Variants in SMIM35 observed in about 807,000 individuals in gnomAD.
SMIM35 encodes the protein small integral membrane protein 35.
intron 1 of SMIM35, among the ~76,000 whole-genome samples, chr11:118,083,758 C>G (rs1945330332): frequency 6.6e-6 from 1 of 152,104 alleles, no homozygotes; most frequent in Non-Finnish European, 1.5e-5. Context: ...TTACAGTTAA[C>G]AATTACTGTA....
intron 1 of SMIM35, chr11:118,028,888 G>A: frequency 2.3e-6 from 1 of 443,222 alleles, no homozygotes; most frequent in Non-Finnish European, 4.6e-6. Flanking sequence ...GGAGAAGAAG[G>A]AGGAGGGGAA....
chr11:118,047,650 T>G (rs1256909744), intron 1 of SMIM35, among the ~76,000 whole-genome samples: 1 of 152,190 alleles, frequency 6.6e-6, no homozygotes, highest in East Asian at 1.9e-4. Context: ...ACAGTGCTTC[T>G]GTTTGAAGGA....
chr11:118,037,029 T>C (rs2058364558), intron 1 of SMIM35, among the ~76,000 whole-genome samples: 1 of 152,176 alleles, frequency 6.6e-6, no homozygotes. Flanking sequence ...TGTTTAAAGG[T>C]GGATGTGGTC....
chr11:118,072,592 C>T (rs1156931782), intron 1 of SMIM35, among the ~76,000 whole-genome samples: 2 of 152,056 alleles, frequency 1.3e-5, no homozygotes, highest in African/African-American at 4.8e-5. Flanking sequence ...GGAAATCAGG[C>T]AGGGAGGAGA....
intron 1 of SMIM35, among the ~76,000 whole-genome samples, chr11:118,083,203 C>A (rs749916169): frequency 6.6e-6 from 1 of 152,256 alleles, no homozygotes; most frequent in Non-Finnish European, 1.5e-5. Flanking sequence ...TGAAAACAAT[C>A]TTTCCTTTGC....
At chr11:118,071,365 A>G (rs1944568595) in intron 1 of SMIM35, among the ~76,000 whole-genome samples, 2 of 152,214 alleles carry the variant, frequency 1.3e-5, no homozygotes, top group South Asian at 4.1e-4. Flanking sequence ...TCTGAGACTA[A>G]ATGATGTCTT....
At chr11:118,082,750 G>A (rs1388255573) in intron 1 of SMIM35, among the ~76,000 whole-genome samples, 5 of 152,118 alleles carry the variant, frequency 3.3e-5, no homozygotes, top group South Asian at 4.1e-4. Context: ...GACCATTAAC[G>A]ATAGAAAATT....
intron 1 of SMIM35, chr11:118,077,379 G>A: frequency 2.0e-6 from 3 of 1,491,762 alleles, no homozygotes; most frequent in Non-Finnish European, 2.7e-6. Context: ...CAAGCAGCCT[G>A]AGCATCCATC....
At chr11:118,044,664 C>T (rs923484255) in intron 1 of SMIM35, among the ~76,000 whole-genome samples, 1 of 151,600 alleles carries the variant, frequency 6.6e-6, no homozygotes, top group Non-Finnish European at 1.5e-5. Flanking sequence ...ATTCCAGCTA[C>T]TCCGGAGGCT....
At chr11:118,067,139 C>G (rs1346247757) in intron 1 of SMIM35, 1 of 152,034 alleles carries the variant, frequency 6.6e-6, no homozygotes, top group Non-Finnish European at 1.5e-5. Flanking sequence ...ATATGCTAAC[C>G]CCCTCAGACC....
chr11:118,070,914 G>A (rs1489066865), intron 1 of SMIM35, among the ~76,000 whole-genome samples: 1 of 152,154 alleles, frequency 6.6e-6, no homozygotes, highest in African/African-American at 2.4e-5. Context: ...AGGGCAAAAG[G>A]CCTAGGCATC....
chr11:118,060,324 T>C (rs967184850), intron 1 of SMIM35, among the ~76,000 whole-genome samples: 2 of 152,204 alleles, frequency 1.3e-5, no homozygotes, highest in Non-Finnish European at 2.9e-5. Context: ...CCACTTCCCA[T>C]GCTGTGAGTG....
At chr11:118,054,242 C>T (rs1353049974) in intron 1 of SMIM35, among the ~76,000 whole-genome samples, 2 of 151,416 alleles carry the variant, frequency 1.3e-5, no homozygotes, top group Non-Finnish European at 2.9e-5. Context: ...CCTGAAAGTG[C>T]ATTATCACCA....
Position 118,020,066 on chromosome 11 carries a change from G to A in SMIM35, c.8-4257C>T, listed in dbSNP as rs571694274. ...TCAACTGAGGTCAGGAGTTCAAGAC[G>A]ACCAGCCTGGTCAACATGGTGAAAC... On this transcript the variant is annotated intron_variant, in intron 1 of 4. Transcript: ENST00000689828. Among the ~76,000 whole-genome samples, 6 of 152,218 alleles carry A rather than the reference G, an allele frequency of 3.9e-5. No individual in the cohort carries two copies. The South Asian group carries it at 1.0e-3, about 26-fold the overall frequency.
chr11:118,051,847 CTAATA>C (rs1944220519), intron 1 of SMIM35, among the ~76,000 whole-genome samples: 1 of 152,012 alleles, frequency 6.6e-6, no homozygotes, highest in African/African-American at 2.4e-5. Context: ...AATACTAATA[CTAATA>C]CTAATACTAA....
intron 1 of SMIM35, among the ~76,000 whole-genome samples, chr11:118,031,207 G>T (rs758194630): frequency 9.2e-5 from 14 of 152,184 alleles, no homozygotes; most frequent in Non-Finnish European, 2.1e-4. Flanking sequence ...CATATAAATA[G>T]ATATAGAAAC....
intron 1 of SMIM35, among the ~76,000 whole-genome samples, chr11:118,072,765 C>T (rs981883133): frequency 4.6e-5 from 7 of 152,252 alleles, no homozygotes; most frequent in Non-Finnish European, 1.0e-4. Context: ...TATTCAGAGC[C>T]TGTGTTTTAT....
chr11:118,023,461 G>A (rs889231542), intron 1 of SMIM35, among the ~76,000 whole-genome samples: 6 of 150,714 alleles, frequency 4.0e-5, no homozygotes, highest in Non-Finnish European at 5.9e-5. Context: ...CCATTAACTC[G>A]TCAGTTAGCA....
At chr11:118,026,822 A>C (rs978848178) in intron 1 of SMIM35, among the ~76,000 whole-genome samples, 1 of 152,106 alleles carries the variant, frequency 6.6e-6, no homozygotes, top group Non-Finnish European at 1.5e-5. Context: ...AAATAAAAAT[A>C]TAAAATGCAG....
Sources: gnomAD v4.1 joint callset for allele counts (sites outside exome capture counted in the v4.1 genomes callset) on GRCh38, gnomAD v4.1.1 for gene constraint, MANE v1.5 for transcripts, NCBI Gene and HGNC (gene_info 2026-07-23, HGNC 2026-07-21) for gene names.